The following NRXN1 variants were observed in gnomAD, a reference collection of about 807,000 sequenced individuals.
The protein encoded by NRXN1 is neurexin 1, also known as neurexin-1.
In NRXN1, 39 loss-of-function variants were observed where a neutral mutation model predicts 150.9. The observed-to-expected ratio is 0.26, with a 90% CI of 0.20 to 0.34. The LOEUF is 0.34. Among genes scored for constraint, NRXN1 ranks in the 10% least tolerant of loss-of-function variants. NRXN1 has a pLI of 1.00. For missense variants in NRXN1, 1,815 were observed against 1,949.9 expected (o/e 0.93, Z 1.30); for synonymous variants, 924 against 757.0 (o/e 1.22, Z -3.62).
intron 17 of NRXN1, among the ~76,000 whole-genome samples, chr2:50,440,972 A>G (rs2085900106): frequency 6.6e-6 from 1 of 152,194 alleles, no homozygotes; most frequent in Admixed American, 6.5e-5. Flanking sequence ...TTCATCATAG[A>G]TACTCTCTGT....
chr2:50,907,854 G>A (rs1221709864), intron 5 of NRXN1, among the ~76,000 whole-genome samples: 1 of 152,110 alleles, frequency 6.6e-6, no homozygotes, highest in Non-Finnish European at 1.5e-5. Context: ...ACCTACAGAA[G>A]AGTGAGATAA....
chr2:50,396,197 T>C (rs1478645383), intron 17 of NRXN1, among the ~76,000 whole-genome samples: 2 of 152,146 alleles, frequency 1.3e-5, no homozygotes. Context: ...ACTGCCAAAA[T>C]CTTCAGCACA....
At chr2:50,829,800 CTT>C (rs1574630317) in intron 5 of NRXN1, 3 of 1,494,688 alleles carry the variant, frequency 2.0e-6, no homozygotes, top group Non-Finnish European at 2.7e-6. Flanking sequence ...TATGAAGTAA[CTT>C]AACTTTTGGT....
intron 2 of NRXN1, among the ~76,000 whole-genome samples, chr2:51,022,882 G>A (rs1367225982): frequency 1.3e-5 from 2 of 152,120 alleles, no homozygotes; most frequent in Admixed American, 6.6e-5. Context: ...TGTACTTGGG[G>A]TATGCTATAA....
chr2:49,918,615 T>C lies in NRXN1; in HGVS notation c.*3329A>G, dbSNP rs1276180301. On this transcript the variant is annotated 3_prime_UTR_variant, in exon 23 of 23. Coordinates refer to ENST00000401669, the MANE Select transcript of NRXN1 (RefSeq NM_001330078.2). The stretch of plus-strand genomic sequence containing the variant: ...GTATTTTAATATTGTTTGCAACTAA[T>C]ACTGTATGAGTTTATGGTTTCTGGC... The C allele has an allele frequency of 6.6e-6, 1 of 152,138 alleles. No homozygotes were observed. Among genetic ancestry groups the C allele is most frequent in the Non-Finnish European group, 1.5e-5 (1 of 67,980 alleles). 9.4% of individuals were successfully genotyped at this position (152,138 alleles called of 1,614,324 possible).
chr2:50,230,607 C>T (rs1257851888), intron 18 of NRXN1, among the ~76,000 whole-genome samples: 2 of 151,768 alleles, frequency 1.3e-5, no homozygotes, highest in African/African-American at 2.4e-5. Flanking sequence ...GTATGTGAAC[C>T]GAGAAGAAGC....
At chr2:50,716,880 T>C (rs1405505638) in intron 5 of NRXN1, among the ~76,000 whole-genome samples, 1 of 152,222 alleles carries the variant, frequency 6.6e-6, no homozygotes, top group African/African-American at 2.4e-5. Flanking sequence ...ATGTCTCTTC[T>C]ATTAGTTGCT....
intron 19 of NRXN1, among the ~76,000 whole-genome samples, chr2:50,082,729 T>C: frequency 6.6e-6 from 1 of 152,182 alleles, no homozygotes; most frequent in East Asian, 1.9e-4. Context: ...CCTACTTTAT[T>C]GAGCTCTTGT....
chr2:50,290,917 C>G (rs542407966), intron 17 of NRXN1, among the ~76,000 whole-genome samples: 8 of 152,176 alleles, frequency 5.3e-5, no homozygotes, highest in Admixed American at 2.0e-4. Flanking sequence ...GCAAAGGAAC[C>G]CTTTCCAAAC....
chr2:50,837,437 C>G (rs1244404100), intron 5 of NRXN1, among the ~76,000 whole-genome samples: 1 of 152,050 alleles, frequency 6.6e-6, no homozygotes, highest in Admixed American at 6.5e-5. Flanking sequence ...TTATAAACAC[C>G]ATTAACTTGG....
At chr2:50,753,954 G>A (rs1421069604) in intron 5 of NRXN1, among the ~76,000 whole-genome samples, 4 of 93,672 alleles carry the variant, frequency 4.3e-5, no homozygotes, top group Non-Finnish European at 5.8e-5. Context: ...TCATCATGAC[G>A]ATTTTTTTTT....
At chr2:50,213,429 T>C (rs1418199467) in intron 18 of NRXN1, among the ~76,000 whole-genome samples, 2 of 151,892 alleles carry the variant, frequency 1.3e-5, no homozygotes, top group East Asian at 1.9e-4. Context: ...GTAAAAACAA[T>C]GGCACTATGG....
intron 2 of NRXN1, among the ~76,000 whole-genome samples, chr2:51,016,533 G>T (rs1249997889): frequency 6.6e-6 from 1 of 152,120 alleles, no homozygotes; most frequent in East Asian, 1.9e-4. Context: ...TTAGAGAAAT[G>T]CAAATCAAAA....
At chr2:50,217,606 G>A (rs2063491133) in intron 18 of NRXN1, among the ~76,000 whole-genome samples, 1 of 151,892 alleles carries the variant, frequency 6.6e-6, no homozygotes, top group Non-Finnish European at 1.5e-5. Flanking sequence ...TGGACAGACC[G>A]AATTATAACA....
At chr2:50,329,617 G>GTATATA (rs1172739306) in intron 17 of NRXN1, among the ~76,000 whole-genome samples, 2 of 13,976 alleles carry the variant, frequency 1.4e-4, no homozygotes, top group Non-Finnish European at 3.1e-4. Flanking sequence ...GTGTGTGTGT[G>GTATATA]TATATATATA....
chr2:50,380,558 G>C (rs767240672), intron 17 of NRXN1, among the ~76,000 whole-genome samples: 1 of 152,070 alleles, frequency 6.6e-6, no homozygotes, highest in African/African-American at 2.4e-5. Context: ...CTTACTATCT[G>C]ACTGAGCCTC....
chr2:50,782,352 C>T (rs567632876), intron 5 of NRXN1, among the ~76,000 whole-genome samples: 3 of 152,090 alleles, frequency 2.0e-5, no homozygotes, highest in Admixed American at 6.6e-5. Flanking sequence ...TGCTTGTAGT[C>T]CCAGCTACTC....
intron 2 of NRXN1, among the ~76,000 whole-genome samples, chr2:50,945,569 T>A (rs947763357): frequency 6.6e-6 from 1 of 151,740 alleles, no homozygotes. Context: ...TATCAAAAAA[T>A]AGGTAATGAG....
At chr2:50,842,214 A>G (rs1672981168) in intron 5 of NRXN1, among the ~76,000 whole-genome samples, 2 of 152,098 alleles carry the variant, frequency 1.3e-5, no homozygotes, top group African/African-American at 2.4e-5. Flanking sequence ...TATTGTAATT[A>G]CCCCCTTCAA....
Sources: allele counts gnomAD v4.1 joint callset (sites outside exome capture counted in the v4.1 genomes callset), GRCh38; gene constraint gnomAD v4.1.1; transcripts MANE v1.5; gene names NCBI Gene and HGNC (gene_info 2026-07-23, HGNC 2026-07-21).